Variants in RBM28 observed in about 807,000 individuals in gnomAD.
The protein encoded by RBM28 is RNA binding motif protein 28, also known as RNA-binding protein 28.
A neutral mutation model predicts 98.3 loss-of-function variants in RBM28; 78 were observed. The observed-to-expected ratio is 0.79, with a 90% CI of 0.66 to 0.96. RBM28 has a LOEUF of 0.96. Ranked by LOEUF, RBM28 falls within the 40% of genes least tolerant of loss-of-function variation. The probability of loss-of-function intolerance (pLI) is 0.00; values close to 1 mark genes in which losing one functional copy is unlikely to be tolerated. For missense variants in RBM28, 838 were observed against 913.0 expected (o/e 0.92, Z 1.06); for synonymous variants, 306 against 330.9 (o/e 0.92, Z 0.82).
rs147567087 is a variant in RBM28 at position 128,335,283 on chromosome 7, G to C, written c.946+260C>G. Among the ~76,000 whole-genome samples the C allele has an allele frequency of 4.7e-3, 712 of 152,248 alleles. 3 individuals carry two copies. Among genetic ancestry groups the C allele is most frequent in the Non-Finnish European group, 7.4e-3 (506 of 68,010 alleles). On this transcript the variant is annotated intron_variant, in intron 8 of 18. Transcript: ENST00000223073. ...GAGGTAGAACCTCAGCATTAAGCTA[G>C]GTTTTCAATTCCCTAAGAATCTTAA...
chr7:128,320,427 A>C (rs1475116237), intron 14 of RBM28, among the ~76,000 whole-genome samples: 1 of 151,720 alleles, frequency 6.6e-6, no homozygotes, highest in Non-Finnish European at 1.5e-5. Flanking sequence ...AAAGAAAGGA[A>C]GAAAAGAAAA....
chr7:128,324,636 T>A lies in RBM28; in HGVS notation c.1262A>T (p.Asp421Val), dbSNP rs767689577. 3 of 1,614,062 alleles carry A rather than the reference T, an allele frequency of 1.9e-6. No homozygotes were observed. Among genetic ancestry groups the A allele is most frequent in the African/African-American group, 1.3e-5 (1 of 74,922 alleles). The change falls in exon 12 of 19, where the codon GAT becomes GTT. Residue 421 changes from aspartate (D) to valine (V), a missense_variant. Physicochemically the swap from Asp to Val is radical, Grantham distance 152. Coordinates refer to ENST00000223073, the MANE Select transcript of RBM28 (RefSeq NM_018077.3). ...CGTCGTCTGAAGCTTTGCAGCCTCA[T>A]CACGGGTCACCGCCAAGTCAACCTT... ...QLKVDLAVTR[D>V]EAAKLQTTKV...
At chr7:128,311,556 G>A (rs1795986041) in intron 18 of RBM28, among the ~76,000 whole-genome samples, 2 of 152,138 alleles carry the variant, frequency 1.3e-5, no homozygotes, top group Admixed American at 1.3e-4. Flanking sequence ...TCCTGCACTA[G>A]AAAGCAAGGA....
intron 9 of RBM28, among the ~76,000 whole-genome samples, chr7:128,332,447 C>T (rs540462438): frequency 1.1e-4 from 16 of 152,034 alleles, no homozygotes; most frequent in African/African-American, 2.7e-4. Flanking sequence ...TCCACCTCTG[C>T]GTTTTAAGTG....
chr7:128,339,387 G>GA, intron 2 of RBM28, 66 bp from the exon 3 acceptor site: 54 of 1,356,368 alleles, frequency 4.0e-5, no homozygotes, highest in South Asian at 7.4e-5. Flanking sequence ...GAACATCACA[G>GA]AAAAAAAAGC....
In RBM28 at chr7:128,324,580, G is replaced by C; in HGVS notation, c.1318C>G (p.Leu440Val). The C allele has an allele frequency of 6.2e-7, 1 of 1,614,236 alleles. No homozygotes were observed. The highest frequency in any genetic ancestry group is 8.5e-7 in the Non-Finnish European group (1 of 1,180,048). ...TCACAGCCTTCTCGGGCCAGATAGA[G>C]ATTCCGGGTGCCAGTCGGCTTCTTC... ...KVKKPTGTRN[L>V]YLAREGLIRA... The change falls in exon 12 of 19, where the codon CTC becomes GTC. Residue 440 changes from leucine to valine, a missense_variant. Coordinates refer to ENST00000223073, the MANE Select transcript of RBM28 (RefSeq NM_018077.3).
Position 128,314,849 on chromosome 7 carries a change from C to T in RBM28, c.1960G>A (p.Ala654Thr). 1 of 1,614,180 alleles carries T rather than the reference C, an allele frequency of 6.2e-7. No homozygotes were observed. The highest frequency in any genetic ancestry group is 1.7e-5 in the Admixed American group (1 of 60,018). The change falls in exon 17 of 19, where the codon GCT becomes ACT. Residue 654 changes from alanine to threonine, a missense_variant. Physicochemically the swap from Ala to Thr is moderately conservative, Grantham distance 58. Coordinates refer to ENST00000223073, the MANE Select transcript of RBM28 (RefSeq NM_018077.3). ...GGCAGCTCCACCTGCTCCACTTCAG[C>T]CTTGGTCTGGAACCCGGTCCATGAG... ...STSWTGFQTK[A>T]EVEQVELPDG...
intron 1 of RBM28, among the ~76,000 whole-genome samples, chr7:128,342,652 G>A (rs1051987856): frequency 6.6e-6 from 1 of 151,684 alleles, no homozygotes; most frequent in African/African-American, 2.4e-5. Flanking sequence ...CTGCACTCCC[G>A]CCTGGGCGAC....
intron 9 of RBM28, among the ~76,000 whole-genome samples, chr7:128,333,062 A>G (rs1346047015): frequency 6.6e-6 from 1 of 152,212 alleles, no homozygotes; most frequent in African/African-American, 2.4e-5. Flanking sequence ...ACCCAATTAC[A>G]AAGCATGAAA....
chr7:128,337,645 G>A (rs11976673), intron 5 of RBM28, among the ~76,000 whole-genome samples: 34,711 of 146,822 alleles, frequency 0.24, 4,392 homozygotes, highest in Middle Eastern at 0.37. Flanking sequence ...TGCAACCTCC[G>A]CCTCCAGGTT....
intron 18 of RBM28, among the ~76,000 whole-genome samples, chr7:128,312,419 A>G (rs2116319789): frequency 6.6e-6 from 1 of 152,316 alleles, no homozygotes; most frequent in South Asian, 2.1e-4. Flanking sequence ...TTAAAAAAAG[A>G]AAACTGAACT....
chr7:128,317,883 T>G, intron 15 of RBM28, 74 bp downstream of exon 15: 1 of 1,577,388 alleles, frequency 6.3e-7, no homozygotes, highest in East Asian at 2.2e-5. Context: ...CAGAGGACAC[T>G]AGGCATAAAG....
At chr7:128,343,387 CCT>C (rs1480384769) in intron 1 of RBM28, among the ~76,000 whole-genome samples, 2 of 152,166 alleles carry the variant, frequency 1.3e-5, no homozygotes, top group Admixed American at 1.3e-4. Flanking sequence ...GATCACTGTA[CCT>C]GCCAATCAGG....
intron 9 of RBM28, among the ~76,000 whole-genome samples, chr7:128,331,164 G>A (rs1472470505): frequency 2.0e-5 from 3 of 152,120 alleles, no homozygotes; most frequent in Non-Finnish European, 4.4e-5. Context: ...GAAACTGCAG[G>A]TAAAGATTCA....
chr7:128,331,608 C>A (rs149628368), intron 9 of RBM28, among the ~76,000 whole-genome samples: 35 of 152,196 alleles, frequency 2.3e-4, no homozygotes, highest in African/African-American at 8.4e-4. Context: ...CAATTAAAAT[C>A]TTACTAAAGT....
intron 14 of RBM28, among the ~76,000 whole-genome samples, chr7:128,318,675 A>G (rs60525457): frequency 0.035 from 5,262 of 152,278 alleles, 203 homozygotes; most frequent in African/African-American, 0.094. Flanking sequence ...AAGCACATAA[A>G]CAAAACTTCC....
At chr7:128,320,088 A>G (rs1173326330) in intron 14 of RBM28, among the ~76,000 whole-genome samples, 1 of 151,892 alleles carries the variant, frequency 6.6e-6, no homozygotes, top group African/African-American at 2.4e-5. Flanking sequence ...GTGGTGGTGC[A>G]TGCCTGTAGT....
Position 128,335,538 on chromosome 7 carries a change from C to G in RBM28, c.946+5G>C, listed in dbSNP as rs1796577216. The stretch of plus-strand genomic sequence containing the variant: ...CTAAAGACATTTATGAAAATCCAAA[C>G]AAACCTTTATCCTCTTGCTCCTCAG... On this transcript the variant is annotated splice_donor_5th_base_variant and intron_variant, in intron 8 of 18. Transcript: ENST00000223073. The G allele has an allele frequency of 1.2e-6, 2 of 1,614,166 alleles. No individual in the cohort carries two copies. The highest frequency in any genetic ancestry group is 4.5e-5 in the East Asian group (2 of 44,888).
intron 10 of RBM28, among the ~76,000 whole-genome samples, chr7:128,327,596 G>T (rs938515681): frequency 1.3e-5 from 2 of 152,164 alleles, no homozygotes; most frequent in East Asian, 3.9e-4. Context: ...CGCCTCCTGG[G>T]TTCAAGTGAC....
Sources: gnomAD v4.1 joint callset for allele counts (sites outside exome capture counted in the v4.1 genomes callset) on GRCh38, gnomAD v4.1.1 for gene constraint, MANE v1.5 for transcripts, NCBI Gene and HGNC (gene_info 2026-07-23, HGNC 2026-07-21) for gene names.